The following POLD3 variants were observed in gnomAD, a reference collection of about 807,000 sequenced individuals.
The protein encoded by POLD3 is DNA polymerase delta 3, accessory subunit.
A neutral mutation model predicts 58.2 loss-of-function variants in POLD3; 19 were observed. The ratio of observed to expected loss-of-function variants is 0.33; its 90% CI spans 0.23 to 0.48. The LOEUF (loss-of-function observed/expected upper bound fraction) is 0.48, where lower values mean the gene tolerates loss of function less well. POLD3 is among the 20% of genes least tolerant of loss of function. POLD3 has a pLI of 0.99. For missense variants in POLD3, 504 were observed against 545.5 expected (o/e 0.92, Z 0.76); for synonymous variants, 172 against 193.5 (o/e 0.89, Z 0.92).
chr11:74,603,462 G>C (rs1823313088), intron 2 of POLD3, among the ~76,000 whole-genome samples: 1 of 152,144 alleles, frequency 6.6e-6, no homozygotes, highest in South Asian at 2.1e-4. Context: ...ATAAACCGAG[G>C]AAAATATGTA....
intron 2 of POLD3, among the ~76,000 whole-genome samples, chr11:74,597,667 T>C (rs1413048707): frequency 6.6e-6 from 1 of 152,162 alleles, no homozygotes; most frequent in East Asian, 1.9e-4. Context: ...TGCTGTGTTG[T>C]GCAGGCTGGT....
intron 3 of POLD3, among the ~76,000 whole-genome samples, chr11:74,608,034 G>A (rs190946545): frequency 3.3e-5 from 5 of 152,256 alleles, no homozygotes; most frequent in Admixed American, 3.3e-4. Flanking sequence ...AAAATTTCAA[G>A]GAAATGTTTG....
chr11:74,631,057 A>T (rs2032575485), intron 9 of POLD3, among the ~76,000 whole-genome samples: 1 of 152,236 alleles, frequency 6.6e-6, no homozygotes, highest in Non-Finnish European at 1.5e-5. Flanking sequence ...TTGGCATCTG[A>T]CTAAATTTAT....
chr11:74,634,853 GT>G (rs2032702335), intron 10 of POLD3, among the ~76,000 whole-genome samples, 158 bp downstream of exon 10: 1 of 152,186 alleles, frequency 6.6e-6, no homozygotes, highest in Admixed American at 6.5e-5. Flanking sequence ...CAGAATGGGC[GT>G]TCCCTCCATT....
At chr11:74,655,820 G>C (rs191254282) in intron 4 of POLD3, among the ~76,000 whole-genome samples, 5 of 152,262 alleles carry the variant, frequency 3.3e-5, no homozygotes, top group Non-Finnish European at 7.3e-5. Context: ...TCTGGTATCT[G>C]TTCATGCAAT....
Position 74,596,307 on chromosome 11 carries a change from C to T in POLD3, c.116+2191C>T, listed in dbSNP as rs536614654. ...CAAGCTATTCTACTGCCTCAACCTC[C>T]GAGGTAGCTGGGACTACAGGCATGT... On this transcript the variant is annotated intron_variant, in intron 2 of 11. Transcript: ENST00000263681. Among the ~76,000 whole-genome samples, 38 of 151,684 alleles carry T rather than the reference C, an allele frequency of 2.5e-4. 1 individual carries two copies. In the South Asian group the frequency reaches 6.7e-3, roughly 27 times the overall value.
At chr11:74,662,535 G>T (rs55742006) in intron 4 of POLD3, among the ~76,000 whole-genome samples, 29,341 of 151,726 alleles carry the variant, frequency 0.19, 3,450 homozygotes, top group African/African-American at 0.32. Context: ...ATCCTGTCGT[G>T]CCTGAGCTGG....
At chr11:74,602,144 A>G (rs533180871) in intron 2 of POLD3, among the ~76,000 whole-genome samples, 7 of 151,816 alleles carry the variant, frequency 4.6e-5, no homozygotes, top group South Asian at 2.1e-4. Flanking sequence ...GGGTCTCGCT[A>G]TATTGCCCAG....
Position 74,635,635 on chromosome 11 carries a change from T to A in POLD3, c.1120-562T>A, listed in dbSNP as rs1774475680. ...TTGGACTGTTGCAGTGAGTTATGAT[T>A]GCACTTCTGCATTCCAGCCTGGGCA... is the stretch of plus-strand genomic sequence containing the variant. On this transcript the variant is annotated intron_variant, in intron 10 of 11. Transcript: ENST00000263681. Among the ~76,000 whole-genome samples, 4 of 152,292 alleles carry A rather than the reference T, an allele frequency of 2.6e-5. No individual in the cohort carries two copies. The South Asian group carries it at 8.3e-4, about 32-fold the overall frequency.
intron 4 of POLD3, among the ~76,000 whole-genome samples, chr11:74,667,576 AAATTTTAAATAAAATTT>A (rs1339112942): frequency 6.8e-4 from 104 of 152,282 alleles, no homozygotes; most frequent in African/African-American, 2.4e-3. Flanking sequence ...TGCAATTTAA[AAATTTTAAATAAAATTT>A]AAAAATTTAG....
intron 4 of POLD3, among the ~76,000 whole-genome samples, chr11:74,666,490 G>A (rs1345341488): frequency 1.3e-5 from 2 of 152,166 alleles, no homozygotes; most frequent in East Asian, 1.9e-4. Context: ...GTGTGGTGGC[G>A]GGCGCCTGTA....
At chr11:74,600,068 C>G (rs35514423) in intron 2 of POLD3, among the ~76,000 whole-genome samples, 18,940 of 151,566 alleles carry the variant, frequency 0.12, 1,937 homozygotes, top group African/African-American at 0.28. Flanking sequence ...GCCTCAGCCT[C>G]CCGAGTAGCT....
intron 2 of POLD3, 94 bp downstream of exon 2, chr11:74,594,210 T>A: frequency 1.3e-6 from 1 of 757,436 alleles, no homozygotes; most frequent in African/African-American, 1.7e-5. Context: ...CTACATAGAT[T>A]AGAGCTAATT....
chr11:74,665,475 A>C (rs1003375154), intron 4 of POLD3, among the ~76,000 whole-genome samples: 4 of 131,590 alleles, frequency 3.0e-5, no homozygotes, highest in Non-Finnish European at 4.6e-5. Context: ...ATGTCGACTC[A>C]CTGCAACCTC....
At chr11:74,601,785 A>G (rs1248032963) in intron 2 of POLD3, among the ~76,000 whole-genome samples, 1 of 152,054 alleles carries the variant, frequency 6.6e-6, no homozygotes, top group Non-Finnish European at 1.5e-5. Context: ...CTATCTCTTA[A>G]AAAAAAGATG....
In POLD3 at chr11:74,629,224, C is replaced by T. The variant is rs1482916066; in HGVS notation, c.907C>T (p.Arg303Ter). 5 of 1,585,766 alleles carry T rather than the reference C, an allele frequency of 3.2e-6. No homozygotes were observed. Among genetic ancestry groups the T allele is most frequent in the Non-Finnish European group, 4.3e-6 (5 of 1,161,952 alleles). The change falls in exon 9 of 12, where the codon CGA becomes TGA. Residue 303 changes from arginine (R) to a stop codon, truncating the protein, a stop_gained. Transcript: ENST00000263681. LOFTEE classifies it high-confidence loss of function. ...VLQKEKKRGK[R>*]VALSDDETKE... ...ATTTCTGGATGGCAACAGGGGGAAG[C>T]GAGTAGCATTATCTGATGATGAGAC...
downstream of POLD3, among the ~76,000 whole-genome samples, chr11:74,643,798 C>T (rs1163056178): frequency 6.6e-6 from 1 of 152,160 alleles, no homozygotes; most frequent in East Asian, 1.9e-4. Context: ...GAGTGACAGC[C>T]AGTATTTACT....
chr11:74,607,305 C>T (rs983490240), intron 3 of POLD3, among the ~76,000 whole-genome samples: 1 of 149,504 alleles, frequency 6.7e-6, no homozygotes, highest in East Asian at 1.9e-4. Context: ...CTCTGTCGCC[C>T]AGGCTGGAGT....
chr11:74,634,598 C>T lies in POLD3; in HGVS notation c.1022C>T (p.Pro341Leu), dbSNP rs2032691894. Reference sequence around the variant, plus strand: ...ATTATTTCAGTCTTTCCAGACTCTCCTGGGGCTTATGAAGCTGAGTCACCA... The same window carrying T: ...ATTATTTCAGTCTTTCCAGACTCTCTTGGGGCTTATGAAGCTGAGTCACCA... Reference protein sequence around the residue: ...SSEDEVFPDSPGAYEAESPSP... With the variant: ...SSEDEVFPDSLGAYEAESPSP... Residue 341 changes from proline (P) to leucine (L), a missense_variant, in exon 10 of 12, where the codon CCT becomes CTT. This residue lies in a region of POLD3 where 385 missense variants were observed against 370.5 expected (regional missense o/e 1.04). Coordinates refer to ENST00000263681, the MANE Select transcript of POLD3 (RefSeq NM_006591.3). 3.7e-6 allele frequency: 6 copies of T among 1,603,438 alleles called. No individual in the cohort carries two copies. Among genetic ancestry groups the T allele is most frequent in the Non-Finnish European group, 5.1e-6 (6 of 1,170,404 alleles).
Sources: allele counts gnomAD v4.1 joint callset (sites outside exome capture counted in the v4.1 genomes callset), GRCh38; gene constraint gnomAD v4.1.1; regional missense constraint gnomAD v4.1.1; transcripts MANE v1.5; gene names NCBI Gene and HGNC (gene_info 2026-07-23, HGNC 2026-07-21).